The following FADS2 variants were observed in gnomAD, a reference collection of about 807,000 sequenced individuals.
FADS2 encodes acyl-CoA 6-desaturase.
FADS2 carries 18 observed loss-of-function variants against 61.2 expected under a neutral mutation model. That is an observed-to-expected ratio of 0.29 (90% CI 0.20 to 0.44). The LOEUF is 0.44. Among genes scored for constraint, FADS2 ranks in the 20% least tolerant of loss-of-function variants. FADS2 has a pLI of 1.00. For missense variants in FADS2, 322 were observed against 572.7 expected (o/e 0.56, Z 4.47); for synonymous variants, 203 against 223.9 (o/e 0.91, Z 0.83).
intron 4 of FADS2, among the ~76,000 whole-genome samples, chr11:61,843,157 C>T (rs1316814340): frequency 6.6e-6 from 1 of 152,248 alleles, no homozygotes; most frequent in Non-Finnish European, 1.5e-5. Context: ...CAGCCAGGCA[C>T]AGTGGCTCAC....
At position 61,828,415 on chromosome 11, in the gene FADS2, G is replaced by A. The variant is rs1044143683; in HGVS notation, c.25G>A (p.Glu9Lys). MGKGGNQG[E>K]GAAEREVSVP... ...CATGGGGAAGGGAGGGAACCAGGGC[G>A]AGGGGGCCGCCGAGCGCGAGGTGTC... The change falls in exon 1 of 12, where the codon GAG becomes AAG. Residue 9 changes from glutamate to lysine, a missense_variant. Coordinates refer to ENST00000278840, the MANE Select transcript of FADS2 (RefSeq NM_004265.4). This position sits in a 1 kb window ranked among gnomAD's most constrained non-coding sequence, Gnocchi z 6.4. The A allele has an allele frequency of 1.1e-5, 18 of 1,575,636 alleles. No individual in the cohort carries two copies. Among genetic ancestry groups the A allele is most frequent in the Non-Finnish European group, 1.5e-5 (18 of 1,161,724 alleles).
chr11:61,824,435 G>GAGAGAGA (rs2067057669), upstream of FADS2, among the ~76,000 whole-genome samples: 2 of 4,632 alleles, frequency 4.3e-4, 1 homozygote, highest in Admixed American at 6.8e-3. Flanking sequence ...AGAGAGAGAG[G>GAGAGAGA]GAGGGAGGGA....
At chr11:61,830,891 A>G (rs191888198) in intron 1 of FADS2, among the ~76,000 whole-genome samples, 125 of 152,384 alleles carry the variant, frequency 8.2e-4, no homozygotes, top group African/African-American at 2.5e-3. Context: ...AAACAGCTAG[A>G]ATGGAAAGTA....
rs914524653 is a variant in FADS2, at chr11:61,828,816, G to C, written c.207+219G>C. The C allele has an allele frequency of 5.4e-6, 3 of 556,636 alleles. No homozygotes were observed. The highest frequency in any genetic ancestry group is 9.6e-6 in the Non-Finnish European group (3 of 312,506). The allele number at this position is 556,636 out of a possible 1,614,324, so 34.5% of individuals were successfully genotyped here. A position where few individuals can be genotyped will look rare whatever the true frequency, so the allele number is the denominator to read the frequency against. ...CGGATCTGGGACCCGGGGAGGCGGC[G>C]CTGCGGTGAAAGTCCCAGCGGTGGA... is the stretch of plus-strand genomic sequence containing the variant. On this transcript the variant is annotated intron_variant, in intron 1 of 11. Transcript: ENST00000278840. This position sits in a 1 kb window ranked among gnomAD's most constrained non-coding sequence, Gnocchi z 6.4.
At chr11:61,823,122 C>A (rs572949338) in intron 1 of FADS2, among the ~76,000 whole-genome samples, 1 of 152,276 alleles carries the variant, frequency 6.6e-6, no homozygotes, top group South Asian at 2.1e-4. Context: ...GCTCCTTGAC[C>A]AAGTACCTCT....
At chr11:61,837,747 C>G in intron 1 of FADS2, 31 bp from the exon 2 acceptor site, 1 of 1,488,724 alleles carries the variant, frequency 6.7e-7, no homozygotes, top group Non-Finnish European at 9.3e-7. Flanking sequence ...GAGTTCAGGT[C>G]TTAGCCTCAT....
intron 2 of FADS2, 83 bp downstream of exon 2, chr11:61,837,971 T>C: frequency 4.2e-6 from 4 of 953,774 alleles, no homozygotes; most frequent in South Asian, 4.2e-5. Context: ...CCTTGCCCCA[T>C]GACCAGTAAC....
At chr11:61,858,953 T>C (rs1296608297) in intron 7 of FADS2, among the ~76,000 whole-genome samples, 3 of 152,240 alleles carry the variant, frequency 2.0e-5, no homozygotes, top group Non-Finnish European at 4.4e-5. Context: ...TAAAATCCAG[T>C]CTTTCTCAGC....
chr11:61,837,931 G>A, intron 2 of FADS2, 43 bp downstream of exon 2: 1 of 1,393,080 alleles, frequency 7.2e-7, no homozygotes, highest in East Asian at 2.4e-5. Context: ...AGACGAGGCT[G>A]GGGGTGGCTG....
At chr11:61,858,398 C>T (rs1327161578) in intron 7 of FADS2, among the ~76,000 whole-genome samples, 1 of 151,760 alleles carries the variant, frequency 6.6e-6, no homozygotes, top group African/African-American at 2.4e-5. Flanking sequence ...AGGCTGGTCT[C>T]GAACTCCTGG....
chr11:61,824,110 G>A (rs564159819), upstream of FADS2, among the ~76,000 whole-genome samples: 1 of 151,868 alleles, frequency 6.6e-6, no homozygotes, highest in Non-Finnish European at 1.5e-5. Context: ...CGCTGGGTGC[G>A]GTGGCTTATG....
intron 4 of FADS2, among the ~76,000 whole-genome samples, chr11:61,845,489 T>C (rs1181411073): frequency 6.6e-6 from 1 of 152,054 alleles, no homozygotes; most frequent in Non-Finnish European, 1.5e-5. Context: ...GGGCTTCACC[T>C]GGCAAAGAAG....
At chr11:61,849,434 T>A (rs569391339) in intron 5 of FADS2, among the ~76,000 whole-genome samples, 6 of 152,144 alleles carry the variant, frequency 3.9e-5, no homozygotes, top group Admixed American at 3.9e-4. Flanking sequence ...CATATTTTTT[T>A]AGTTAGCCAG....
chr11:61,844,130 TA>T (rs1420122982), intron 4 of FADS2, among the ~76,000 whole-genome samples: 2 of 152,224 alleles, frequency 1.3e-5, no homozygotes, highest in Non-Finnish European at 2.9e-5. Context: ...TCCAGAGGAT[TA>T]AAGTAGTTAA....
At position 61,861,353 on chromosome 11, in the gene FADS2, C is replaced by CAA. The variant is rs58136105; in HGVS notation, c.883-1602_883-1601dup. Among the ~76,000 whole-genome samples the CAA allele has an allele frequency of 2.8e-3, 83 of 29,718 alleles. 10 individuals carry two copies. Among genetic ancestry groups the CAA allele is most frequent in the African/African-American group, 6.3e-3 (67 of 10,568 alleles). The allele number at this position is 29,718 out of a possible 152,430, so 19.5% of individuals were successfully genotyped here. Reference sequence around the variant, plus strand: ...TGGGCGACAGAGCGAGACTCCCTCTCAAAAAAAAAAAAAAAAAACAGAAAT... The same window carrying CAA: ...TGGGCGACAGAGCGAGACTCCCTCTCAAAAAAAAAAAAAAAAAAAACAGAAAT... On this transcript the variant is annotated intron_variant, in intron 7 of 11. Transcript: ENST00000278840.
chr11:61,837,818 G>A lies in FADS2; in HGVS notation c.248G>A (p.Gly83Asp). 1.2e-6 allele frequency: 2 copies of A among 1,613,674 alleles called. No individual in the cohort carries two copies. Among genetic ancestry groups the A allele is most frequent in the Non-Finnish European group, 1.7e-6 (2 of 1,179,818 alleles). ...TTCCACCCTGACCTGGAATTCGTGG[G>A]CAAGTTCTTGAAACCCCTGCTGATT... is the stretch of plus-strand genomic sequence containing the variant. ...RAFHPDLEFV[G>D]KFLKPLLIGE... The change falls in exon 2 of 12, where the codon GGC (glycine) becomes GAC (aspartate). Residue 83 changes from glycine (G) to aspartate (D), a missense_variant. Around this residue, in one of 3 missense-constraint regions of FADS2, gnomAD observed 40 missense variants for 37.3 expected, o/e 1.07. Coordinates refer to ENST00000278840, the MANE Select transcript of FADS2 (RefSeq NM_004265.4).
At position 61,816,343 on chromosome 11, in the gene FADS2, C is replaced by A. The variant is rs775554876; in HGVS notation, c.58C>A (p.Pro20Thr). ...TGTGTGCGTGTTGTTGGCCTCCATC[C>A]CCACTCCCCAGACTCCACTTCTCCA... Residue 20 changes from proline (P) to threonine (T), a missense_variant, in exon 1 of 12, where the codon CCC becomes ACC. By Grantham distance (38) the Pro-to-Thr change is conservative. Coordinates refer to the FADS2 transcript ENST00000257261. This position sits in a 1 kb window ranked among gnomAD's most constrained non-coding sequence, Gnocchi z 7.0. 1.9e-6 allele frequency: 3 copies of A among 1,598,276 alleles called. No homozygotes were observed. Among genetic ancestry groups the A allele is most frequent in the African/African-American group, 2.7e-5 (2 of 74,920 alleles).
Position 61,816,396 on chromosome 11 carries a change from A to C in FADS2, c.111A>C (p.Ala37=). ...CCTCTCTCCCGCCTTTTCATCCCGCATCCGCAGGACACCCAATCACCGGGC... is the reference window on the plus strand; with the variant it reads ...CCTCTCTCCCGCCTTTTCATCCCGCCTCCGCAGGACACCCAATCACCGGGC... Residue 37 remains alanine (A), a synonymous_variant, in exon 1 of 12, where the codon GCA becomes GCC. Transcript: ENST00000257261. The surrounding 1 kb of genome is among the most constrained non-coding windows in gnomAD (Gnocchi z 7.0). The C allele has an allele frequency of 1.3e-6, 2 of 1,598,456 alleles. No individual in the cohort carries two copies. The highest frequency in any genetic ancestry group is 1.7e-6 in the Non-Finnish European group (2 of 1,179,792).
At position 61,816,410 on chromosome 11, in the gene FADS2, C is replaced by G; in HGVS notation, c.125C>G (p.Pro42Arg). 6.3e-7 allele frequency: 1 copy of G among 1,598,670 alleles called. No homozygotes were observed. The highest frequency in any genetic ancestry group is 8.5e-7 in the Non-Finnish European group (1 of 1,179,806). Residue 42 changes from proline to arginine, a missense_variant, in exon 1 of 12, where the codon CCA becomes CGA. Transcript: ENST00000257261. The surrounding 1 kb of genome is among the most constrained non-coding windows in gnomAD (Gnocchi z 7.0). ...TTTCATCCCGCATCCGCAGGACACC[C>G]AATCACCGGGCAACAGGTATGATCA...
Sources: allele counts gnomAD v4.1 joint callset (sites outside exome capture counted in the v4.1 genomes callset), GRCh38; gene constraint gnomAD v4.1.1; regional missense constraint gnomAD v4.1.1; non-coding constraint Gnocchi (gnomAD v3.1); transcripts MANE v1.5; gene names NCBI Gene and HGNC (gene_info 2026-07-23, HGNC 2026-07-21).